SLC35F1: variants seen among roughly 807,000 people sequenced by gnomAD.
SLC35F1 encodes solute carrier family 35 member F1, also known as chromosome 6 open reading frame 169.
In SLC35F1, 14 loss-of-function variants were observed where a neutral mutation model predicts 48.7. That is an observed-to-expected ratio of 0.29 (90% confidence interval 0.19 to 0.45). SLC35F1 has a LOEUF of 0.45. Ranked by LOEUF, SLC35F1 falls within the 20% of genes least tolerant of loss-of-function variation. The pLI is 1.00. For missense variants in SLC35F1, 404 were observed against 500.0 expected (o/e 0.81, Z 1.83); for synonymous variants, 190 against 202.2 (o/e 0.94, Z 0.51).
At chr6:118,242,444 T>A (rs1562336989) in intron 3 of SLC35F1, among the ~76,000 whole-genome samples, 3 of 151,938 alleles carry the variant, frequency 2.0e-5, no homozygotes, top group Admixed American at 2.0e-4. Flanking sequence ...AAGAAAGATA[T>A]TGAAGTGGAG....
intron 1 of SLC35F1, among the ~76,000 whole-genome samples, chr6:117,982,566 A>T (rs1306281472): frequency 6.6e-6 from 1 of 152,220 alleles, no homozygotes; most frequent in African/African-American, 2.4e-5. Context: ...TGGGATGATG[A>T]GTTGACATTT....
intron 1 of SLC35F1, among the ~76,000 whole-genome samples, chr6:117,980,129 C>T (rs1351569818): frequency 6.6e-6 from 1 of 152,106 alleles, no homozygotes. Flanking sequence ...AGATTGCAGA[C>T]TCTGTTTGTG....
chr6:117,934,762 C>T (rs568048084), intron 1 of SLC35F1, among the ~76,000 whole-genome samples: 10 of 152,206 alleles, frequency 6.6e-5, no homozygotes, highest in South Asian at 2.1e-4. Context: ...TTTTACTCAA[C>T]GGTAAGATAC....
At chr6:118,052,296 A>G (rs1459552839) in intron 1 of SLC35F1, among the ~76,000 whole-genome samples, 5 of 152,128 alleles carry the variant, frequency 3.3e-5, no homozygotes, top group African/African-American at 1.2e-4. Flanking sequence ...ATCTCAAACC[A>G]CTAAAAGAAT....
intron 1 of SLC35F1, among the ~76,000 whole-genome samples, chr6:117,922,877 G>C (rs1775917991): frequency 6.6e-6 from 1 of 152,144 alleles, no homozygotes; most frequent in South Asian, 2.1e-4. Flanking sequence ...CATGAAGTTG[G>C]GGTTTTACAG....
intron 2 of SLC35F1, among the ~76,000 whole-genome samples, chr6:118,165,372 A>G (rs1031266254): frequency 3.3e-5 from 5 of 152,022 alleles, no homozygotes; most frequent in Admixed American, 1.3e-4. Context: ...AAGCATTCCT[A>G]CTCCCTTGAC....
At chr6:118,020,681 AT>A (rs1343894976) in intron 1 of SLC35F1, among the ~76,000 whole-genome samples, 1 of 152,214 alleles carries the variant, frequency 6.6e-6, no homozygotes, top group African/African-American at 2.4e-5. Context: ...AACTGAAGTC[AT>A]TCATCTGGCT....
At chr6:117,974,037 A>T (rs1308869303) in intron 1 of SLC35F1, among the ~76,000 whole-genome samples, 1 of 152,160 alleles carries the variant, frequency 6.6e-6, no homozygotes, top group Non-Finnish European at 1.5e-5. Context: ...TGGGGAGGTT[A>T]TATGCAGAGA....
chr6:117,935,559 AAT>A (rs1426557061), intron 1 of SLC35F1, among the ~76,000 whole-genome samples: 1 of 152,200 alleles, frequency 6.6e-6, no homozygotes, highest in African/African-American at 2.4e-5. Flanking sequence ...AAGCTTATCT[AAT>A]ATATGTATTT....
At chr6:118,137,021 T>C (rs1451971241) in intron 1 of SLC35F1, among the ~76,000 whole-genome samples, 1 of 152,242 alleles carries the variant, frequency 6.6e-6, no homozygotes, top group Non-Finnish European at 1.5e-5. Flanking sequence ...TGATTTTATA[T>C]GTTGTTGTTC....
intron 1 of SLC35F1, among the ~76,000 whole-genome samples, chr6:118,047,664 G>C (rs1262748571): frequency 2.0e-5 from 3 of 152,024 alleles, no homozygotes; most frequent in African/African-American, 7.2e-5. Flanking sequence ...ACTTACCTTA[G>C]TGTCCTTAAC....
chr6:118,231,940 G>A (rs1775297518), intron 2 of SLC35F1, among the ~76,000 whole-genome samples: 1 of 152,146 alleles, frequency 6.6e-6, no homozygotes, highest in Admixed American at 6.5e-5. Context: ...TGTGTAAAAT[G>A]TTCACCAAAT....
chr6:117,959,010 T>G (rs1776461685), intron 1 of SLC35F1, among the ~76,000 whole-genome samples: 1 of 152,206 alleles, frequency 6.6e-6, no homozygotes, highest in Admixed American at 6.5e-5. Context: ...ACTAAGAGCA[T>G]GGACTTCAGA....
intron 3 of SLC35F1, among the ~76,000 whole-genome samples, chr6:118,237,462 C>T (rs1305432689): frequency 1.3e-5 from 2 of 152,174 alleles, no homozygotes; most frequent in African/African-American, 4.8e-5. Context: ...AAACATGCCT[C>T]ACTGCTGCCT....
At chr6:118,148,336 G>A (rs920037299) in intron 1 of SLC35F1, among the ~76,000 whole-genome samples, 3 of 152,172 alleles carry the variant, frequency 2.0e-5, no homozygotes, top group African/African-American at 4.8e-5. Flanking sequence ...TTAAAAGAAT[G>A]TATTCTTATA....
At chr6:117,965,652 T>C (rs1776552615) in intron 1 of SLC35F1, among the ~76,000 whole-genome samples, 1 of 152,172 alleles carries the variant, frequency 6.6e-6, no homozygotes, top group Non-Finnish European at 1.5e-5. Flanking sequence ...GGTGGATGTA[T>C]GTGTTTGCTC....
At chr6:118,037,208 C>G (rs943123793) in intron 1 of SLC35F1, among the ~76,000 whole-genome samples, 6 of 151,926 alleles carry the variant, frequency 3.9e-5, no homozygotes, top group Non-Finnish European at 8.8e-5. Flanking sequence ...TAAAGTGTAT[C>G]TTTTTATTTA....
At chr6:117,925,888 C>G (rs950166482) in intron 1 of SLC35F1, among the ~76,000 whole-genome samples, 10 of 152,200 alleles carry the variant, frequency 6.6e-5, no homozygotes, top group Non-Finnish European at 1.3e-4. Flanking sequence ...TATTGAGGAG[C>G]TTGAAGTACT....
intron 1 of SLC35F1, among the ~76,000 whole-genome samples, chr6:118,073,054 A>G (rs1380846734): frequency 2.0e-5 from 3 of 152,174 alleles, no homozygotes; most frequent in Non-Finnish European, 4.4e-5. Flanking sequence ...TTGTCCTCTG[A>G]TAGCCCTTCT....
Sources: gnomAD v4.1 joint callset for allele counts (sites outside exome capture counted in the v4.1 genomes callset) on GRCh38, gnomAD v4.1.1 for gene constraint, MANE v1.5 for transcripts, NCBI Gene and HGNC (gene_info 2026-07-23, HGNC 2026-07-21) for gene names.